The following FAM227B variants were observed in gnomAD, a reference collection of about 807,000 sequenced individuals.
FAM227B encodes the protein protein FAM227B.
Under a neutral mutation model 73.8 loss-of-function variants are expected in FAM227B, and 88 were observed. The observed-to-expected ratio is 1.19, with a 90% CI of 1.00 to 1.42. The LOEUF (loss-of-function observed/expected upper bound fraction) is 1.42. Ranked by LOEUF, FAM227B falls within the 40% of genes most tolerant of loss-of-function variation. FAM227B has a pLI of 0.00. For missense variants in FAM227B, 632 were observed against 590.9 expected (o/e 1.07, Z -0.72); for synonymous variants, 210 against 190.5 (o/e 1.10, Z -0.84).
intron 11 of FAM227B, among the ~76,000 whole-genome samples, chr15:49,432,739 T>C (rs527749562): frequency 6.6e-6 from 1 of 151,726 alleles, no homozygotes; most frequent in East Asian, 2.0e-4. Context: ...TTTCGGACTA[T>C]TAGAGTAATA....
rs1434037972 is a variant in FAM227B at position 49,328,354 on chromosome 15, G to A, written c.*214C>T. 36 of 1,428,264 alleles carry A rather than the reference G, an allele frequency of 2.5e-5. No homozygotes were observed. The highest frequency in any genetic ancestry group is 3.2e-5 in the Non-Finnish European group (35 of 1,095,012). The allele number at this position is 1,428,264 out of a possible 1,614,324, so 88.5% of individuals were successfully genotyped here. On this transcript the variant is annotated 3_prime_UTR_variant, in exon 16 of 16. Coordinates refer to ENST00000299338, the MANE Select transcript of FAM227B (RefSeq NM_152647.3). The stretch of plus-strand genomic sequence containing the variant: ...GATTCTTTTTCCATCTTAAAATATG[G>A]TTTTACTATTAAGAGCCAAGATCAT...
At chr15:49,524,087 A>C (rs974329203) in intron 10 of FAM227B, among the ~76,000 whole-genome samples, 3 of 152,228 alleles carry the variant, frequency 2.0e-5, no homozygotes, top group African/African-American at 7.2e-5. Flanking sequence ...GAGAAATTCA[A>C]GGCAGCTGCA....
At chr15:49,600,609 C>A (rs150222669) in intron 3 of FAM227B, among the ~76,000 whole-genome samples, 1 of 148,966 alleles carries the variant, frequency 6.7e-6, no homozygotes, top group African/African-American at 2.5e-5. Context: ...GAGCTGAGAT[C>A]GCACCACTGC....
At chr15:49,520,653 A>T (rs1273734948) in intron 10 of FAM227B, among the ~76,000 whole-genome samples, 3 of 152,162 alleles carry the variant, frequency 2.0e-5, no homozygotes, top group African/African-American at 7.2e-5. Flanking sequence ...GTGCAGGCGG[A>T]GCTGCCCTTT....
At chr15:49,503,977 G>A (rs1317992042) in intron 11 of FAM227B, among the ~76,000 whole-genome samples, 7 of 152,094 alleles carry the variant, frequency 4.6e-5, no homozygotes, top group South Asian at 2.1e-4. Flanking sequence ...ACATGCACAC[G>A]TATGTTTATT....
intron 10 of FAM227B, among the ~76,000 whole-genome samples, chr15:49,526,674 A>G (rs1335564105): frequency 6.6e-6 from 1 of 152,054 alleles, no homozygotes; most frequent in Non-Finnish European, 1.5e-5. Context: ...CAAAAAAGAA[A>G]GAAGATTCAA....
At chr15:49,574,806 C>T in intron 8 of FAM227B, 1 of 313,462 alleles carries the variant, frequency 3.2e-6, no homozygotes, top group Non-Finnish European at 5.9e-6. Flanking sequence ...TTCAAAGATC[C>T]AGAATCTTTT....
chr15:49,507,034 C>T (rs1015034849), intron 11 of FAM227B, among the ~76,000 whole-genome samples: 1 of 151,900 alleles, frequency 6.6e-6, no homozygotes, highest in Non-Finnish European at 1.5e-5. Flanking sequence ...ACAAAATTGG[C>T]TCAAGATAGT....
chr15:49,396,174 C>T (rs1469045731), intron 11 of FAM227B: 3 of 352,184 alleles, frequency 8.5e-6, no homozygotes, highest in Non-Finnish European at 1.7e-5. Context: ...CGAGGCATTG[C>T]CTCACTTGGG....
At chr15:49,371,437 A>AT (rs1349554305) in intron 11 of FAM227B, 38 bp from the exon 12 acceptor site, 10 of 1,298,768 alleles carry the variant, frequency 7.7e-6, no homozygotes, top group Admixed American at 2.0e-5. Context: ...AAATTCTGGT[A>AT]TTTTTTTCCT....
Position 49,600,198 on chromosome 15 carries a change from GCTTA to G in FAM227B, c.106-10195_106-10192del, listed in dbSNP as rs1489572075. ...TCTCTTAAAAGATTTTGACTTTAAAGCTTACTTAATCTGATAGAAGTAGAGCTAT... is the reference window on the plus strand; with the variant it reads ...TCTCTTAAAAGATTTTGACTTTAAAGCTTAATCTGATAGAAGTAGAGCTAT... On this transcript the variant is annotated intron_variant, in intron 3 of 15. Coordinates refer to ENST00000299338, the MANE Select transcript of FAM227B (RefSeq NM_152647.3). 2.0e-5 allele frequency among the ~76,000 whole-genome samples: 3 copies of G among 152,024 alleles called. No individual in the cohort carries two copies. In the East Asian group the frequency reaches 5.8e-4, roughly 29 times the overall value.
intron 14 of FAM227B, among the ~76,000 whole-genome samples, chr15:49,332,163 AG>A (rs2038916944): frequency 6.6e-6 from 1 of 151,494 alleles, no homozygotes. Flanking sequence ...TCTGAACCCA[AG>A]CACTGTGACT....
intron 9 of FAM227B, among the ~76,000 whole-genome samples, chr15:49,548,931 T>A (rs969246041): frequency 6.6e-6 from 1 of 152,238 alleles, no homozygotes; most frequent in Non-Finnish European, 1.5e-5. Context: ...TTGTCAATTT[T>A]TTCTAACTTT....
intron 11 of FAM227B, among the ~76,000 whole-genome samples, chr15:49,377,098 T>C (rs2046216447): frequency 6.6e-6 from 1 of 152,108 alleles, no homozygotes; most frequent in Non-Finnish European, 1.5e-5. Context: ...ATTGTTTTAA[T>C]TTTTAGATCC....
At position 49,572,749 on chromosome 15, in the gene FAM227B, C is replaced by G. The variant is rs546371460; in HGVS notation, c.645+2262G>C. ...GGGAATAGGCATTCCTCTTCTTTTG[C>G]TAAGCCTTTAGGAGCTGGACTCAAG... On this transcript the variant is annotated intron_variant, in intron 8 of 15. Coordinates refer to ENST00000299338, the MANE Select transcript of FAM227B (RefSeq NM_152647.3). 1.9e-3 allele frequency among the ~76,000 whole-genome samples: 291 copies of G among 152,140 alleles called. 1 individual carries two copies. Among genetic ancestry groups the G allele is most frequent in the Middle Eastern group, 0.01 (3 of 294 alleles).
At chr15:49,375,938 A>T (rs1362268416) in intron 11 of FAM227B, among the ~76,000 whole-genome samples, 1 of 152,086 alleles carries the variant, frequency 6.6e-6, no homozygotes, top group Non-Finnish European at 1.5e-5. Flanking sequence ...TGTCATAAAA[A>T]TTCTTAACCA....
rs117926868 is a variant in FAM227B, at chr15:49,327,624, G to C, written c.*944C>G. 5.6e-6 allele frequency: 1 copy of C among 178,606 alleles called. No individual in the cohort carries two copies. The highest frequency in any genetic ancestry group is 1.9e-4 in the South Asian group (1 of 5,306). The allele number at this position is 178,606 out of a possible 1,614,324, so 11.1% of individuals were successfully genotyped here. A position where few individuals can be genotyped will look rare whatever the true frequency, so the allele number is the denominator to read the frequency against. On this transcript the variant is annotated 3_prime_UTR_variant, in exon 16 of 16. Coordinates refer to ENST00000299338, the MANE Select transcript of FAM227B (RefSeq NM_152647.3). ...TCTTAACGCCTCCTTCCTGATTTAC[G>C]TGTAAGCTTGCTATACAACTCTTCA...
At chr15:49,536,131 C>T (rs2070232483) in intron 10 of FAM227B, among the ~76,000 whole-genome samples, 1 of 141,850 alleles carries the variant, frequency 7.0e-6, no homozygotes, top group Non-Finnish European at 1.6e-5. Flanking sequence ...AAAGGAAATA[C>T]ATAAAATTAT....
intron 13 of FAM227B, chr15:49,366,717 C>A: frequency 1.6e-6 from 2 of 1,215,894 alleles, no homozygotes; most frequent in Non-Finnish European, 2.4e-6. Context: ...GGTGGCGCGG[C>A]GCGGCTCACT....
Sources: gnomAD v4.1 joint callset for allele counts (sites outside exome capture counted in the v4.1 genomes callset) on GRCh38, gnomAD v4.1.1 for gene constraint, MANE v1.5 for transcripts, NCBI Gene and HGNC (gene_info 2026-07-23, HGNC 2026-07-21) for gene names.